Variants in STARD13 observed in about 807,000 individuals in gnomAD.
STARD13 encodes StAR related lipid transfer domain containing 13.
STARD13 carries 62 observed loss-of-function variants against 106.4 expected under a neutral mutation model. The observed-to-expected ratio is 0.58, with a 90% CI of 0.48 to 0.72. STARD13 has a LOEUF of 0.72. STARD13 is among the 30% of genes least tolerant of loss of function. STARD13 has a pLI of 0.00. For missense variants in STARD13, 1,387 were observed against 1,424.0 expected, an observed-to-expected ratio of 0.97 and a Z score of 0.42; for synonymous variants, 565 against 553.0, an observed-to-expected ratio of 1.02 and a Z score of -0.31.
At chr13:33,550,060 A>T in the STARD13 span, among the ~76,000 whole-genome samples, 1 of 152,218 alleles carries the variant, frequency 6.6e-6, no homozygotes, top group Non-Finnish European at 1.5e-5. Context: ...GGATGAATTA[A>T]TGAAGTCACA....
the STARD13 span, among the ~76,000 whole-genome samples, chr13:33,498,432 C>T: frequency 8.6e-5 from 13 of 151,954 alleles, no homozygotes; most frequent in African/African-American, 2.4e-4. Flanking sequence ...GTCATGAATT[C>T]GACTTTTTAA....
At chr13:33,331,080 T>C (rs921463068) in intron 1 of STARD13, among the ~76,000 whole-genome samples, 2 of 152,196 alleles carry the variant, frequency 1.3e-5, no homozygotes, top group African/African-American at 4.8e-5. Flanking sequence ...GACTATCCAA[T>C]AGAGCACCAA....
Position 33,105,378 on chromosome 13 carries a change from T to G in STARD13, c.*215A>C. The G allele has an allele frequency of 1.9e-6, 1 of 513,150 alleles. No individual in the cohort carries two copies. Among genetic ancestry groups the G allele is most frequent in the Non-Finnish European group, 3.5e-6 (1 of 286,988 alleles). 31.8% of individuals were successfully genotyped at this position (513,150 alleles called of 1,614,324 possible). A position where few individuals can be genotyped will look rare whatever the true frequency, so the allele number is the denominator to read the frequency against. ...TATATATAAAGTTCTCATTTTAAAA[T>G]TATATTAGTAGGGATGTAGCCATCT... On this transcript the variant is annotated 3_prime_UTR_variant, in exon 14 of 14. Coordinates refer to ENST00000336934, the MANE Select transcript of STARD13 (RefSeq NM_178006.4).
At chr13:33,381,977 A>G in the STARD13 span, among the ~76,000 whole-genome samples, 3 of 152,302 alleles carry the variant, frequency 2.0e-5, no homozygotes, top group South Asian at 2.1e-4. Flanking sequence ...CAGAGACGGA[A>G]CTGACTTGTC....
At chr13:33,567,651 C>T in the STARD13 span, among the ~76,000 whole-genome samples, 1 of 147,308 alleles carries the variant, frequency 6.8e-6, no homozygotes, top group Non-Finnish European at 1.5e-5. Flanking sequence ...TGAAGGTGAA[C>T]AAAAAGTGAA....
the STARD13 span, among the ~76,000 whole-genome samples, chr13:33,443,366 G>A: frequency 3.6e-5 from 5 of 140,396 alleles, no homozygotes; most frequent in Non-Finnish European, 4.6e-5. Flanking sequence ...AACAAAGCGA[G>A]ATTCTGTCTC....
At chr13:33,270,430 T>C (rs73458281) in intron 1 of STARD13, among the ~76,000 whole-genome samples, 2,867 of 152,268 alleles carry the variant, frequency 0.019, 93 homozygotes, top group East Asian at 0.063. Context: ...CCCTAACAGA[T>C]GCCAGCATCC....
At chr13:33,339,897 T>TCTCC (rs1248299221) in intron 1 of STARD13, among the ~76,000 whole-genome samples, 1 of 151,406 alleles carries the variant, frequency 6.6e-6, no homozygotes, top group Non-Finnish European at 1.5e-5. Flanking sequence ...CCAGCGAGAC[T>TCTCC]CTGTCTCAAA....
the STARD13 span, among the ~76,000 whole-genome samples, chr13:33,402,550 C>G: frequency 6.6e-6 from 1 of 152,246 alleles, no homozygotes; most frequent in African/African-American, 2.4e-5. Flanking sequence ...ACCTCTGACC[C>G]TAAGTAGGAA....
the STARD13 span, among the ~76,000 whole-genome samples, chr13:33,408,466 C>G: frequency 1.3e-5 from 2 of 152,042 alleles, no homozygotes; most frequent in African/African-American, 4.8e-5. Context: ...GGATCATCCA[C>G]ATTATAGCAT....
the STARD13 span, among the ~76,000 whole-genome samples, chr13:33,673,233 A>ATCCTTAGAGGTTTCCCAATATTATT: frequency 6.6e-6 from 1 of 152,292 alleles, no homozygotes; most frequent in Non-Finnish European, 1.5e-5. Context: ...TTCTTACTCC[A>ATCCTTAGAGGTTTCCCAATATTATT]TCCTTAGAGG....
downstream of STARD13, among the ~76,000 whole-genome samples, chr13:33,347,998 G>A (rs1393224486): frequency 6.6e-6 from 1 of 152,132 alleles, no homozygotes; most frequent in Non-Finnish European, 1.5e-5. Flanking sequence ...GCATCTAAAA[G>A]CGCCTTCACG....
the STARD13 span, among the ~76,000 whole-genome samples, chr13:33,560,583 C>CTTTTTGTTTG: frequency 1.3e-5 from 2 of 151,184 alleles, no homozygotes; most frequent in African/African-American, 4.9e-5. Flanking sequence ...AACATTGTTG[C>CTTTTTGTTTG]AAAATGAATT....
At chr13:33,201,993 T>C (rs1370418651) in intron 1 of STARD13, among the ~76,000 whole-genome samples, 2 of 151,984 alleles carry the variant, frequency 1.3e-5, no homozygotes, top group Admixed American at 1.3e-4. Context: ...ATGCTGAACA[T>C]CTTTGTTCAG....
chr13:33,118,378 G>A, intron 7 of STARD13, 115 bp from the exon 8 acceptor site: 1 of 809,630 alleles, frequency 1.2e-6, no homozygotes, highest in Non-Finnish European at 2.1e-6. Flanking sequence ...AGTACATGCT[G>A]AACTACTAGT....
intron 3 of STARD13, among the ~76,000 whole-genome samples, chr13:33,144,582 C>G (rs34527844): frequency 6.6e-6 from 1 of 152,212 alleles, no homozygotes; most frequent in Non-Finnish European, 1.5e-5. Context: ...CCTCTGACTA[C>G]GCATTCATTA....
the STARD13 span, among the ~76,000 whole-genome samples, chr13:33,591,787 T>G: frequency 6.6e-6 from 1 of 152,062 alleles, no homozygotes; most frequent in East Asian, 1.9e-4. Context: ...ATTAATTTCT[T>G]GCCCTGAGAA....
the STARD13 span, among the ~76,000 whole-genome samples, chr13:33,641,440 C>A: frequency 1.3e-5 from 2 of 152,046 alleles, no homozygotes; most frequent in African/African-American, 4.8e-5. Flanking sequence ...AACTTAGAGT[C>A]ATATTTTAGG....
chr13:33,547,123 T>C, the STARD13 span, among the ~76,000 whole-genome samples: 1 of 152,252 alleles, frequency 6.6e-6, no homozygotes, highest in Non-Finnish European at 1.5e-5. Flanking sequence ...TCAGCTCTTA[T>C]GATACAGTGT....
Sources: gnomAD v4.1 joint callset for allele counts (sites outside exome capture counted in the v4.1 genomes callset) on GRCh38, gnomAD v4.1.1 for gene constraint, MANE v1.5 for transcripts, NCBI Gene and HGNC (gene_info 2026-07-23, HGNC 2026-07-21) for gene names.